Variants in RBFOX1 observed in about 807,000 individuals in gnomAD.
RBFOX1 encodes the protein RNA binding fox-1 homolog 1.
In RBFOX1, 8 loss-of-function variants were observed where a neutral mutation model predicts 57.7. The ratio of observed to expected loss-of-function variants is 0.14; its 90% CI spans 0.08 to 0.25. The LOEUF (loss-of-function observed/expected upper bound fraction) is 0.25. Among genes scored for constraint, RBFOX1 ranks in the 10% least tolerant of loss-of-function variants. RBFOX1 has a pLI of 1.00. For missense variants in RBFOX1, 611 were observed against 548.5 expected (o/e 1.11, Z -1.14); for synonymous variants, 326 against 222.4 (o/e 1.47, Z -4.15).
At chr16:5,692,710 T>C (rs1380527421) in intron 3 of RBFOX1, among the ~76,000 whole-genome samples, 4 of 152,102 alleles carry the variant, frequency 2.6e-5, no homozygotes, top group Admixed American at 6.6e-5. Context: ...TAGTTCTTTG[T>C]GTACTTGGTT....
At chr16:6,474,363 ACT>A (rs1451032815) in intron 2 of RBFOX1, among the ~76,000 whole-genome samples, 1 of 152,076 alleles carries the variant, frequency 6.6e-6, no homozygotes, top group African/African-American at 2.4e-5. Context: ...GAGGAAAAAG[ACT>A]CTTTTCCTGT....
chr16:7,382,192 T>A (rs906961530), intron 4 of RBFOX1, among the ~76,000 whole-genome samples: 1 of 152,242 alleles, frequency 6.6e-6, no homozygotes, highest in Non-Finnish European at 1.5e-5. Flanking sequence ...TTAGCCACTA[T>A]GAAGACTCCA....
intron 3 of RBFOX1, among the ~76,000 whole-genome samples, chr16:5,745,278 T>C (rs2052933008): frequency 3.9e-5 from 6 of 152,214 alleles, no homozygotes; most frequent in Admixed American, 3.9e-4. Context: ...GAACTCATCC[T>C]TTTTTATGGC....
intron 2 of RBFOX1, among the ~76,000 whole-genome samples, chr16:6,575,110 G>T (rs2097411421): frequency 6.6e-6 from 1 of 151,490 alleles, no homozygotes; most frequent in Admixed American, 6.6e-5. Flanking sequence ...CATGGCCTGG[G>T]GTCTCCCCGC....
chr16:7,029,697 G>A (rs770367445), intron 3 of RBFOX1, among the ~76,000 whole-genome samples: 3 of 152,074 alleles, frequency 2.0e-5, no homozygotes, highest in Non-Finnish European at 4.4e-5. Flanking sequence ...GAAGCTGGGA[G>A]ACTCTATAAT....
At chr16:6,784,515 C>T (rs1374437640) in intron 3 of RBFOX1, among the ~76,000 whole-genome samples, 4 of 152,070 alleles carry the variant, frequency 2.6e-5, no homozygotes, top group Non-Finnish European at 4.4e-5. Context: ...CCAAATTCCT[C>T]TTCTATGTTA....
At chr16:7,191,730 A>C (rs1426357513) in intron 4 of RBFOX1, among the ~76,000 whole-genome samples, 2 of 152,218 alleles carry the variant, frequency 1.3e-5, no homozygotes, top group African/African-American at 2.4e-5. Context: ...AAAATTTTAA[A>C]GAAGGGGGTT....
chr16:7,652,123 C>T (rs1390588935), intron 11 of RBFOX1, among the ~76,000 whole-genome samples: 1 of 152,022 alleles, frequency 6.6e-6, no homozygotes, highest in African/African-American at 2.4e-5. Context: ...GGAAACATTG[C>T]CTGCTACTTA....
At chr16:7,572,847 A>G (rs183525553) in intron 5 of RBFOX1, among the ~76,000 whole-genome samples, 3 of 149,624 alleles carry the variant, frequency 2.0e-5, no homozygotes, top group African/African-American at 7.6e-5. Flanking sequence ...TCAAATGAAT[A>G]AATAAATAAA....
intron 1 of RBFOX1, among the ~76,000 whole-genome samples, chr16:6,284,573 A>G (rs1023576294): frequency 2.6e-5 from 4 of 152,196 alleles, no homozygotes; most frequent in Admixed American, 6.5e-5. Context: ...CATAGCAACA[A>G]TATTTTATAG....
chr16:5,650,967 C>T lies in RBFOX1; in HGVS notation c.318+52006C>T, dbSNP rs193020589. On this transcript the variant is annotated intron_variant, in intron 3 of 19. Coordinates refer to the RBFOX1 transcript ENST00000641259. ...GCCTCATTTCTCTCTTTTCTTTCCT[C>T]CCCTGTCCTTCCTTGCTGTCCCTTC... 4.8e-4 allele frequency among the ~76,000 whole-genome samples: 71 copies of T among 149,018 alleles called. 1 individual carries two copies. The East Asian group carries it at 0.012, about 25-fold the overall frequency.
chr16:7,471,398 A>T (rs184460613), intron 4 of RBFOX1, among the ~76,000 whole-genome samples: 1 of 152,182 alleles, frequency 6.6e-6, no homozygotes, highest in Non-Finnish European at 1.5e-5. Flanking sequence ...ATTTTGGTAG[A>T]TGTTCCCAGA....
At chr16:7,331,894 G>C (rs11863045) in intron 4 of RBFOX1, among the ~76,000 whole-genome samples, 1 of 152,070 alleles carries the variant, frequency 6.6e-6, no homozygotes, top group African/African-American at 2.4e-5. Flanking sequence ...ATGATTGCTT[G>C]GGTATTTTCA....
At chr16:6,482,327 A>T (rs1475898098) in intron 2 of RBFOX1, among the ~76,000 whole-genome samples, 4 of 152,222 alleles carry the variant, frequency 2.6e-5, no homozygotes, top group Non-Finnish European at 5.9e-5. Context: ...CTGTGAAGAG[A>T]AAGGAAAAAG....
At chr16:5,591,223 C>G (rs904771865) in intron 2 of RBFOX1, among the ~76,000 whole-genome samples, 16 of 151,912 alleles carry the variant, frequency 1.1e-4, no homozygotes, top group African/African-American at 3.6e-4. Flanking sequence ...TTTCCTGCTA[C>G]CACATCCTTT....
intron 2 of RBFOX1, among the ~76,000 whole-genome samples, chr16:6,427,648 CA>C (rs1378642832): frequency 1.3e-5 from 2 of 152,246 alleles, no homozygotes; most frequent in Non-Finnish European, 1.5e-5. Context: ...TTATTTTTTG[CA>C]AACAATTGTA....
At chr16:6,084,567 T>C (rs1180634422) in intron 1 of RBFOX1, among the ~76,000 whole-genome samples, 1 of 152,190 alleles carries the variant, frequency 6.6e-6, no homozygotes, top group Non-Finnish European at 1.5e-5. Flanking sequence ...TTTTGAAGTA[T>C]TTTAGCTTTC....
intron 3 of RBFOX1, among the ~76,000 whole-genome samples, chr16:6,734,197 G>A (rs1351898247): frequency 1.3e-5 from 2 of 152,138 alleles, no homozygotes; most frequent in Non-Finnish European, 2.9e-5. Flanking sequence ...CATCCGTGCA[G>A]CTCTGCAATT....
chr16:5,646,182 A>ATTTTTTTTTTTTTTT (rs55685218), intron 3 of RBFOX1, among the ~76,000 whole-genome samples: 3 of 133,722 alleles, frequency 2.2e-5, no homozygotes, highest in African/African-American at 8.5e-5. Context: ...GGCACGTGCT[A>ATTTTTTTTTTTTTTT]TTTTTTTTTT....
Sources: gnomAD v4.1 joint callset for allele counts (sites outside exome capture counted in the v4.1 genomes callset) on GRCh38, gnomAD v4.1.1 for gene constraint, MANE v1.5 for transcripts, NCBI Gene and HGNC (gene_info 2026-07-23, HGNC 2026-07-21) for gene names.